The following AKAP9 variants were observed in gnomAD, a reference collection of about 807,000 sequenced individuals.
AKAP9 encodes the protein A-kinase anchor protein 9.
A neutral mutation model predicts 488.5 loss-of-function variants in AKAP9; 311 were observed. The observed-to-expected ratio is 0.64, with a 90% CI of 0.58 to 0.70. The LOEUF (loss-of-function observed/expected upper bound fraction) is 0.70. Ranked by LOEUF, AKAP9 falls within the 30% of genes least tolerant of loss-of-function variation. The pLI, the probability that AKAP9 is intolerant of heterozygous loss-of-function variation, is 0.00. For synonymous variants in AKAP9, 1,462 were observed against 1,483.5 expected, an observed-to-expected ratio of 0.99 and a Z score of 0.33; for missense variants, 4,215 against 4,374.5, an observed-to-expected ratio of 0.96 and a Z score of 1.03.
chr7:92,057,764 T>C, intron 22 of AKAP9: 1 of 223,462 alleles, frequency 4.5e-6, no homozygotes, highest in East Asian at 6.5e-5. Flanking sequence ...ACTACAGACA[T>C]CGCTGATATT....
Position 92,079,193 on chromosome 7 carries a change from G to T in AKAP9, c.7060G>T (p.Glu2354Ter), listed in dbSNP as rs1813105231. Residue 2354 changes from glutamate (E) to a stop codon, truncating the protein, a stop_gained, in exon 31 of 50, where the codon GAA becomes TAA. Coordinates refer to ENST00000356239, the MANE Select transcript of AKAP9 (RefSeq NM_005751.5). LOFTEE classifies it high-confidence loss of function. ...AGAAGAAGAAATAGAGCAGCTCAAT[G>T]AAGTGATTGAAAAACTTCAACAGGA... ...NREEEIEQLN[E>*]VIEKLQQELA... 1.2e-6 allele frequency: 2 copies of T among 1,613,994 alleles called. No homozygotes were observed. The highest frequency in any genetic ancestry group is 1.1e-5 in the South Asian group (1 of 91,046).
chr7:92,086,891 C>G (rs949307834), intron 37 of AKAP9, among the ~76,000 whole-genome samples: 2 of 152,172 alleles, frequency 1.3e-5, no homozygotes, highest in South Asian at 2.1e-4. Flanking sequence ...AGCACTATAA[C>G]TCATGCCTGA....
chr7:92,095,396 C>T (rs1816396828), intron 40 of AKAP9, among the ~76,000 whole-genome samples: 2 of 152,100 alleles, frequency 1.3e-5, no homozygotes, highest in African/African-American at 4.8e-5. Context: ...TCCAAAGATG[C>T]ATATAGACTG....
At chr7:92,093,798 A>G (rs1029096883) in intron 39 of AKAP9, among the ~76,000 whole-genome samples, 32 of 152,146 alleles carry the variant, frequency 2.1e-4, no homozygotes, top group African/African-American at 7.7e-4. Context: ...TCCCATGTTC[A>G]GTAAAAGACA....
At chr7:92,066,767 C>T (rs1810837398) in intron 26 of AKAP9, among the ~76,000 whole-genome samples, 4 of 152,152 alleles carry the variant, frequency 2.6e-5, no homozygotes, top group Admixed American at 1.3e-4. Context: ...TCTAGTATTT[C>T]TCAATTAAAT....
chr7:92,087,485 T>TA (rs900828769), intron 37 of AKAP9, among the ~76,000 whole-genome samples: 1 of 152,180 alleles, frequency 6.6e-6, no homozygotes, highest in Non-Finnish European at 1.5e-5. Flanking sequence ...GAAATTCACT[T>TA]ATGAAAACTC....
intron 2 of AKAP9, among the ~76,000 whole-genome samples, chr7:91,979,401 G>A (rs929261038): frequency 2.8e-4 from 43 of 151,986 alleles, no homozygotes; most frequent in African/African-American, 9.7e-4. Context: ...CCGTATGGGG[G>A]AAACTGCTCT....
At chr7:92,078,577 GAAAA>G (rs550699193) in intron 30 of AKAP9, among the ~76,000 whole-genome samples, 4 of 106,028 alleles carry the variant, frequency 3.8e-5, no homozygotes, top group Admixed American at 1.9e-4. Context: ...GTCTCAAAAA[GAAAA>G]AAAAAAAAAA....
chr7:92,086,453 A>T, intron 37 of AKAP9, 37 bp downstream of exon 37: 2 of 1,492,476 alleles, frequency 1.3e-6, no homozygotes, highest in Non-Finnish European at 1.9e-6. Context: ...ACTTTAATAG[A>T]AATAAGGAAA....
chr7:91,941,019 A>G lies in AKAP9; in HGVS notation c.-81A>G. ...TCTAGGCCGTGGAGCTTGCCGTCCC[A>G]CCTCCGTCCAAATCGACCTTTCCTT... On this transcript the variant is annotated 5_prime_UTR_variant, in exon 1 of 50. Transcript: ENST00000356239. 2 of 1,424,174 alleles carry G rather than the reference A, an allele frequency of 1.4e-6. No homozygotes were observed. Among genetic ancestry groups the G allele is most frequent in the South Asian group, 1.1e-5 (1 of 87,204 alleles). 88.2% of individuals were successfully genotyped at this position (1,424,174 alleles called of 1,614,324 possible).
chr7:92,085,777 T>G, intron 36 of AKAP9, 91 bp downstream of exon 36: 1 of 1,021,310 alleles, frequency 9.8e-7, no homozygotes, highest in Non-Finnish European at 1.4e-6. Flanking sequence ...TTATACATAT[T>G]TTTGCATGAA....
At chr7:92,081,854 G>A (rs1049171721) in intron 31 of AKAP9, among the ~76,000 whole-genome samples, 3 of 151,958 alleles carry the variant, frequency 2.0e-5, no homozygotes, top group Non-Finnish European at 4.4e-5. Flanking sequence ...AAGATTAACT[G>A]ATAAATCACA....
At chr7:91,941,805 A>G (rs1790791122) in intron 1 of AKAP9, among the ~76,000 whole-genome samples, 1 of 152,118 alleles carries the variant, frequency 6.6e-6, no homozygotes, top group Non-Finnish European at 1.5e-5. Flanking sequence ...GAGGACCGAA[A>G]GGTTCCATAT....
At chr7:92,000,822 T>C in intron 7 of AKAP9, 26 bp from the exon 8 acceptor site, 1 of 1,238,890 alleles carries the variant, frequency 8.1e-7, no homozygotes, top group Non-Finnish European at 1.1e-6. Flanking sequence ...AATGCCATTC[T>C]TACATTTTCA....
At chr7:92,050,223 G>C (rs113152942) in intron 21 of AKAP9, among the ~76,000 whole-genome samples, 68,393 of 151,642 alleles carry the variant, frequency 0.45, 16,528 homozygotes, top group African/African-American at 0.63. Context: ...TGCCACCATG[G>C]CCAGCTAATT....
chr7:92,055,594 A>G (rs1669495491), intron 22 of AKAP9, among the ~76,000 whole-genome samples: 1 of 152,094 alleles, frequency 6.6e-6, no homozygotes, highest in Non-Finnish European at 1.5e-5. Flanking sequence ...GCCTTCAAAT[A>G]TACATTAAAA....
At chr7:92,102,160 ATT>A (rs750364270) in intron 45 of AKAP9, among the ~76,000 whole-genome samples, 48,134 of 134,862 alleles carry the variant, frequency 0.36, 8,724 homozygotes, top group African/African-American at 0.42. Flanking sequence ...CGTCTCATAA[ATT>A]TAAAAAAAAA....
chr7:91,992,203 T>G lies in AKAP9; in HGVS notation c.397T>G (p.Leu133Val). ...FVMRTGKPTN[L>V]LREEEFGVDD... The stretch of plus-strand genomic sequence containing the variant: ...GATGAGAACAGGAAAGCCTACAAAT[T>G]TATTAAGGGTACAGTATTTAAAACT... Residue 133 changes from leucine (L) to valine (V), a missense_variant, in exon 4 of 50, where the codon TTA (leucine) becomes GTA (valine). Around this residue, in one of 5 missense-constraint regions of AKAP9, gnomAD observed 2,361 missense variants for 2,430.0 expected, o/e 0.97. Transcript: ENST00000356239. 2 of 1,606,670 alleles carry G rather than the reference T, an allele frequency of 1.2e-6. No individual in the cohort carries two copies. Among genetic ancestry groups the G allele is most frequent in the Non-Finnish European group, 1.7e-6 (2 of 1,173,442 alleles).
intron 1 of AKAP9, among the ~76,000 whole-genome samples, chr7:91,949,351 C>G (rs1015155087): frequency 1.3e-5 from 2 of 152,106 alleles, no homozygotes; most frequent in Non-Finnish European, 2.9e-5. Flanking sequence ...GAGTTGATAA[C>G]AGCATGATGC....
Sources: gnomAD v4.1 joint callset for allele counts (sites outside exome capture counted in the v4.1 genomes callset) on GRCh38, gnomAD v4.1.1 for gene constraint, gnomAD v4.1.1 regional missense constraint, MANE v1.5 for transcripts, NCBI Gene and HGNC (gene_info 2026-07-23, HGNC 2026-07-21) for gene names.